The following EFCAB6 variants were observed in gnomAD, a reference collection of about 807,000 sequenced individuals.
EFCAB6 encodes the protein EF-hand calcium binding domain 6.
EFCAB6 carries 156 observed loss-of-function variants against 169.8 expected under a neutral mutation model. That is an observed-to-expected ratio of 0.92 (90% CI 0.81 to 1.05). The LOEUF (loss-of-function observed/expected upper bound fraction) is 1.05. Ranked by LOEUF, EFCAB6 falls within the 50% of genes least tolerant of loss-of-function variation. EFCAB6 has a pLI of 0.00. For synonymous variants in EFCAB6, 698 were observed against 676.4 expected (o/e 1.03, Z -0.50); for missense variants, 1,800 against 1,829.1 (o/e 0.98, Z 0.29).
chr22:43,800,545 A>T lies in EFCAB6; in HGVS notation c.-8+8450T>A, dbSNP rs562823579. Among the ~76,000 whole-genome samples the T allele has an allele frequency of 3.9e-5, 6 of 152,380 alleles. No homozygotes were observed. The East Asian group carries it at 9.6e-4, about 24-fold the overall frequency. ...AGCTGTCTATCCAAGAATTCAAAAT[A>T]GCAATTTTAAGGAAACTCTGTGATT... On this transcript the variant is annotated intron_variant, in intron 2 of 31. Coordinates refer to ENST00000262726, the MANE Select transcript of EFCAB6 (RefSeq NM_022785.4).
intron 3 of EFCAB6, among the ~76,000 whole-genome samples, chr22:43,776,446 C>T (rs767689938): frequency 8.5e-5 from 13 of 152,130 alleles, no homozygotes; most frequent in Non-Finnish European, 1.8e-4. Flanking sequence ...AGGGTCATGG[C>T]GCACAGTGAC....
intron 7 of EFCAB6, 22 bp from the exon 8 acceptor site, chr22:43,731,833 G>C: frequency 6.9e-7 from 1 of 1,450,730 alleles, no homozygotes; most frequent in South Asian, 1.4e-5. Context: ...ATGTTCTTTA[G>C]TAATGAGAAA....
intron 28 of EFCAB6, among the ~76,000 whole-genome samples, chr22:43,538,909 T>C (rs926246940): frequency 2.0e-5 from 3 of 152,314 alleles, no homozygotes; most frequent in East Asian, 3.9e-4. Flanking sequence ...CTGGGTCTCA[T>C]TGAGCTAAAA....
intron 12 of EFCAB6, among the ~76,000 whole-genome samples, chr22:43,678,819 T>C (rs137788): frequency 0.54 from 82,275 of 151,968 alleles, 22,645 homozygotes; most frequent in East Asian, 0.77. Flanking sequence ...ATAAAGAACC[T>C]TTACCTCATA....
At chr22:43,534,278 T>G (rs1484508885) in intron 30 of EFCAB6, among the ~76,000 whole-genome samples, 4 of 152,208 alleles carry the variant, frequency 2.6e-5, no homozygotes, top group Admixed American at 2.6e-4. Context: ...ACTCTCTCTC[T>G]CACCTGGCAC....
intron 17 of EFCAB6, among the ~76,000 whole-genome samples, chr22:43,645,852 TAAAA>T (rs571644573): frequency 1.0e-4 from 12 of 116,736 alleles, no homozygotes; most frequent in African/African-American, 1.2e-4. Context: ...ATTTTAAAAC[TAAAA>T]AAAAAAACAA....
intron 7 of EFCAB6, among the ~76,000 whole-genome samples, chr22:43,735,116 T>C (rs911835502): frequency 6.6e-5 from 10 of 152,162 alleles, no homozygotes; most frequent in South Asian, 6.2e-4. Context: ...CATCTTCCAG[T>C]GGCTTTCACT....
intron 13 of EFCAB6, among the ~76,000 whole-genome samples, chr22:43,673,883 C>T (rs1478561598): frequency 2.0e-5 from 3 of 150,490 alleles, no homozygotes; most frequent in South Asian, 2.1e-4. Context: ...TTATATGTGG[C>T]GTGAACCTGG....
chr22:43,740,286 T>TC (rs1225002805), intron 6 of EFCAB6, among the ~76,000 whole-genome samples: 1 of 151,950 alleles, frequency 6.6e-6, no homozygotes, highest in Non-Finnish European at 1.5e-5. Context: ...ATGGTCCGTC[T>TC]CCCCCTCTGA....
intron 8 of EFCAB6, among the ~76,000 whole-genome samples, chr22:43,725,134 C>CTTTTTT (rs33983375): frequency 1.1e-5 from 1 of 94,686 alleles, no homozygotes; most frequent in East Asian, 3.4e-4. Context: ...GCCAAACTGG[C>CTTTTTT]TTTTTTTTTT....
intron 2 of EFCAB6, among the ~76,000 whole-genome samples, chr22:43,783,900 A>C (rs908525472): frequency 2.0e-5 from 3 of 152,062 alleles, no homozygotes; most frequent in African/African-American, 7.2e-5. Context: ...GTCTCTACAA[A>C]AAAAATAAAA....
intron 26 of EFCAB6, among the ~76,000 whole-genome samples, chr22:43,560,093 G>A (rs1277358716): frequency 6.6e-6 from 1 of 152,138 alleles, no homozygotes. Flanking sequence ...AGTTACTGAA[G>A]CAAGACTGGA....
chr22:43,641,209 G>A (rs138444422), intron 17 of EFCAB6, among the ~76,000 whole-genome samples: 35 of 152,300 alleles, frequency 2.3e-4, no homozygotes, highest in African/African-American at 8.2e-4. Context: ...CACTCATCAG[G>A]CTCTTGCTAT....
At chr22:43,562,211 A>T (rs935229851) in intron 26 of EFCAB6, among the ~76,000 whole-genome samples, 5 of 152,186 alleles carry the variant, frequency 3.3e-5, no homozygotes, top group Non-Finnish European at 7.4e-5. Flanking sequence ...GCCCTTCTAG[A>T]TGTGGCAAAG....
intron 8 of EFCAB6, among the ~76,000 whole-genome samples, chr22:43,720,928 G>T (rs2059501912): frequency 6.6e-6 from 1 of 152,150 alleles, no homozygotes. Context: ...AAATGAAGAA[G>T]TCAAACTATC....
At chr22:43,531,620 G>T (rs1043786357) in intron 30 of EFCAB6, among the ~76,000 whole-genome samples, 1 of 152,184 alleles carries the variant, frequency 6.6e-6, no homozygotes, top group African/African-American at 2.4e-5. Flanking sequence ...TGGGAAAGTT[G>T]AATTTTAACA....
chr22:43,716,798 C>T (rs1327091450), intron 9 of EFCAB6, 50 bp downstream of exon 9: 2 of 1,561,308 alleles, frequency 1.3e-6, no homozygotes, highest in African/African-American at 1.4e-5. Flanking sequence ...ATATTGTCTA[C>T]TTTGCTGTGT....
intron 12 of EFCAB6, among the ~76,000 whole-genome samples, 155 bp from the exon 13 acceptor site, chr22:43,678,318 T>C (rs1406013703): frequency 1.4e-5 from 2 of 142,074 alleles, no homozygotes; most frequent in African/African-American, 5.1e-5. Flanking sequence ...GATCCTTACA[T>C]AACATGAGCA....
intron 7 of EFCAB6, among the ~76,000 whole-genome samples, chr22:43,735,555 G>T (rs1603298321): frequency 6.6e-6 from 1 of 152,152 alleles, no homozygotes; most frequent in African/African-American, 2.4e-5. Flanking sequence ...GTGCCAAGTG[G>T]GGAAAGAGAC....
Sources: gnomAD v4.1 joint callset for allele counts (sites outside exome capture counted in the v4.1 genomes callset) on GRCh38, gnomAD v4.1.1 for gene constraint, MANE v1.5 for transcripts, NCBI Gene and HGNC (gene_info 2026-07-23, HGNC 2026-07-21) for gene names.